GXYLT1: variants seen among roughly 807,000 people sequenced by gnomAD.
GXYLT1 encodes glycosyltransferase 8 domain containing 3.
Under a neutral mutation model 54.0 loss-of-function variants are expected in GXYLT1, and 29 were observed. The ratio of observed to expected loss-of-function variants is 0.54; its 90% CI spans 0.40 to 0.73. The LOEUF (loss-of-function observed/expected upper bound fraction) is 0.73. Ranked by LOEUF, GXYLT1 falls within the 30% of genes least tolerant of loss-of-function variation. The pLI is 0.00. For synonymous variants in GXYLT1, 176 were observed against 204.1 expected, an observed-to-expected ratio of 0.86 and a Z score of 1.17; for missense variants, 490 against 553.4, an observed-to-expected ratio of 0.89 and a Z score of 1.15.
Position 42,109,588 on chromosome 12 carries a change from G to T in GXYLT1, c.590C>A (p.Ala197Asp). The change falls in exon 4 of 8, where the codon GCT becomes GAT. Residue 197 changes from alanine (A) to aspartate (D), a missense_variant. This residue lies in a region of GXYLT1 where 342 missense variants were observed against 342.6 expected (regional missense o/e 1.00). Transcript: ENST00000398675. The part of the protein sequence containing the change: ...AEWKKLFKPC[A>D]SQRLFLPLIL... ...TACCGGCAAGAACAATCTCTGCGAAGCACATGGTTTAAAGAGTTTTTTCCA... is the reference window on the plus strand; with the variant it reads ...TACCGGCAAGAACAATCTCTGCGAATCACATGGTTTAAAGAGTTTTTTCCA... 1 of 1,574,920 alleles carries T rather than the reference G, an allele frequency of 6.3e-7. No homozygotes were observed. The highest frequency in any genetic ancestry group is 8.6e-7 in the Non-Finnish European group (1 of 1,163,862).
At chr12:42,142,885 T>A (rs1372216547) in intron 1 of GXYLT1, among the ~76,000 whole-genome samples, 4 of 152,136 alleles carry the variant, frequency 2.6e-5, no homozygotes, top group African/African-American at 9.7e-5. Context: ...AGTTCTAACT[T>A]AGATGTACGC....
chr12:42,119,333 G>C (rs912823031), intron 2 of GXYLT1, among the ~76,000 whole-genome samples, 162 bp from the exon 3 acceptor site: 3 of 152,094 alleles, frequency 2.0e-5, no homozygotes, highest in Non-Finnish European at 4.4e-5. Context: ...TTGAAACCAA[G>C]AGTTCAATGC....
rs924544159 is a variant in GXYLT1 at position 42,084,769 on chromosome 12, G to C, written c.*3017C>G. 1.3e-5 allele frequency: 2 copies of C among 152,274 alleles called. No individual in the cohort carries two copies. Among genetic ancestry groups the C allele is most frequent in the African/African-American group, 4.8e-5 (2 of 41,484 alleles). 9.4% of individuals were successfully genotyped at this position (152,274 alleles called of 1,614,324 possible). On this transcript the variant is annotated 3_prime_UTR_variant, in exon 8 of 8. Coordinates refer to ENST00000398675, the MANE Select transcript of GXYLT1 (RefSeq NM_173601.2). ...GGGCCTTAAAACCCTTATATATTATGAACTACTCTTCATTAGAAAAAAGTA... is the reference window on the plus strand; with the variant it reads ...GGGCCTTAAAACCCTTATATATTATCAACTACTCTTCATTAGAAAAAAGTA...
intron 5 of GXYLT1, among the ~76,000 whole-genome samples, chr12:42,103,084 A>G (rs753101381): frequency 2.6e-5 from 4 of 151,982 alleles, no homozygotes; most frequent in African/African-American, 7.3e-5. Context: ...CAGCCTCCCA[A>G]GTAGCTGGGA....
intron 1 of GXYLT1, among the ~76,000 whole-genome samples, chr12:42,136,187 T>A (rs12425923): frequency 1.3e-5 from 2 of 152,226 alleles, no homozygotes; most frequent in Non-Finnish European, 1.5e-5. Flanking sequence ...GACATATCAG[T>A]GGCTTATTAG....
intron 1 of GXYLT1, among the ~76,000 whole-genome samples, chr12:42,134,678 T>G (rs190412434): frequency 1.3e-5 from 2 of 151,612 alleles, no homozygotes; most frequent in Admixed American, 1.3e-4. Context: ...AACTTCCACC[T>G]TCTTCTTTCA....
chr12:42,124,811 A>G (rs1467900060), intron 2 of GXYLT1, among the ~76,000 whole-genome samples: 1 of 152,238 alleles, frequency 6.6e-6, no homozygotes, highest in Non-Finnish European at 1.5e-5. Flanking sequence ...ACTGATTTTT[A>G]AAAGAATAAG....
rs749894191 is a variant in GXYLT1, at chr12:42,087,995, A to C, written c.1162-48T>G. 3.0e-6 allele frequency: 3 copies of C among 985,440 alleles called. No homozygotes were observed. The Admixed American group carries it at 8.4e-5, about 28-fold the overall frequency. The allele number at this position is 985,440 out of a possible 1,614,324, so 61.0% of individuals were successfully genotyped here. On this transcript the variant is annotated intron_variant, in intron 7 of 7. Coordinates refer to ENST00000398675, the MANE Select transcript of GXYLT1 (RefSeq NM_173601.2). ...AATAAAAAATTTAAAAGGCAAAGGT[A>C]CATATGTAAGTTCAATTATTTTCCA...
chr12:42,106,100 A>G (rs2065419745), intron 4 of GXYLT1, 31 bp from the exon 5 acceptor site: 1 of 1,462,460 alleles, frequency 6.8e-7, no homozygotes, highest in Non-Finnish European at 9.3e-7. Context: ...ATGATTAACT[A>G]TAATTCTATT....
chr12:42,090,227 A>T (rs976627897), intron 7 of GXYLT1, among the ~76,000 whole-genome samples: 1 of 152,258 alleles, frequency 6.6e-6, no homozygotes, highest in Admixed American at 6.5e-5. Context: ...GGAAGAAGAT[A>T]AATTTCCAAA....
chr12:42,118,718 G>A (rs2065511645), intron 3 of GXYLT1, among the ~76,000 whole-genome samples: 1 of 152,154 alleles, frequency 6.6e-6, no homozygotes, highest in Admixed American at 6.5e-5. Flanking sequence ...CAGTTCTCAT[G>A]AGGTCTCATG....
intron 1 of GXYLT1, among the ~76,000 whole-genome samples, chr12:42,135,024 A>G (rs973063347): frequency 6.6e-5 from 10 of 152,226 alleles, no homozygotes; most frequent in African/African-American, 2.4e-4. Context: ...ATTCATTACC[A>G]TGGGCCTTGC....
chr12:42,118,508 C>T (rs535272087), intron 3 of GXYLT1, among the ~76,000 whole-genome samples: 6 of 152,322 alleles, frequency 3.9e-5, no homozygotes, highest in Admixed American at 1.3e-4. Context: ...GTTCAAGGAG[C>T]ACTCCCCACT....
intron 3 of GXYLT1, among the ~76,000 whole-genome samples, chr12:42,115,105 A>G (rs1486593144): frequency 1.3e-5 from 2 of 152,242 alleles, no homozygotes; most frequent in African/African-American, 4.8e-5. Flanking sequence ...AACTCTCAAT[A>G]AATTAGGTAT....
intron 1 of GXYLT1, among the ~76,000 whole-genome samples, chr12:42,138,530 T>C (rs2065633865): frequency 1.2e-5 from 1 of 81,726 alleles, no homozygotes; most frequent in Non-Finnish European, 2.4e-5. Flanking sequence ...TTGATTTAAA[T>C]CTAAAAAAGG....
At position 42,083,563 on chromosome 12, in the gene GXYLT1, G is replaced by C. The variant is rs2065266086; in HGVS notation, c.*4223C>G. The C allele has an allele frequency of 6.6e-6, 1 of 152,150 alleles. No homozygotes were observed. Among genetic ancestry groups the C allele is most frequent in the African/African-American group, 2.4e-5 (1 of 41,416 alleles). The allele number at this position is 152,150 out of a possible 1,614,324, so 9.4% of individuals were successfully genotyped here. On this transcript the variant is annotated 3_prime_UTR_variant, in exon 8 of 8. Transcript: ENST00000398675. ...GGTCTTTCTAAAAACATCTCAAAGA[G>C]GTTCTGACTACTACTAAGGTATTTA...
rs2065290233 is a variant in GXYLT1, at chr12:42,085,899, T to C, written c.*1887A>G. On this transcript the variant is annotated 3_prime_UTR_variant, in exon 8 of 8. Coordinates refer to ENST00000398675, the MANE Select transcript of GXYLT1 (RefSeq NM_173601.2). The stretch of plus-strand genomic sequence containing the variant: ...TGAAGCAAACATGGTAAGATAGTGA[T>C]AAGTGTCAGATCTGGATGTTGAGTA... The C allele has an allele frequency of 6.6e-6, 1 of 151,712 alleles. No individual in the cohort carries two copies. The highest frequency in any genetic ancestry group is 1.5e-5 in the Non-Finnish European group (1 of 67,924). 9.4% of individuals were successfully genotyped at this position (151,712 alleles called of 1,614,324 possible).
intron 6 of GXYLT1, 58 bp downstream of exon 6, chr12:42,097,852 T>A: frequency 7.6e-7 from 1 of 1,323,142 alleles, no homozygotes; most frequent in Non-Finnish European, 1.1e-6. Context: ...GTTTTCCTTT[T>A]TCACTAAGTA....
intron 7 of GXYLT1, among the ~76,000 whole-genome samples, chr12:42,094,384 T>G (rs939316873): frequency 1.4e-5 from 2 of 143,468 alleles, no homozygotes; most frequent in Non-Finnish European, 3.0e-5. Flanking sequence ...GAGGCTGGGC[T>G]TGATGACTCA....
Sources: gnomAD v4.1 joint callset for allele counts (sites outside exome capture counted in the v4.1 genomes callset) on GRCh38, gnomAD v4.1.1 for gene constraint, gnomAD v4.1.1 regional missense constraint, MANE v1.5 for transcripts, NCBI Gene and HGNC (gene_info 2026-07-23, HGNC 2026-07-21) for gene names.